Variants in PLPPR5 observed in about 807,000 individuals in gnomAD.
PLPPR5 encodes phospholipid phosphatase-related protein type 5.
PLPPR5 carries 16 observed loss-of-function variants against 33.9 expected under a neutral mutation model. That is an observed-to-expected ratio of 0.47 (90% CI 0.32 to 0.72). The LOEUF is 0.72. Ranked by LOEUF, PLPPR5 falls within the 30% of genes least tolerant of loss-of-function variation. The probability of loss-of-function intolerance (pLI) is 0.03; values close to 1 mark genes in which losing one functional copy is unlikely to be tolerated. For synonymous variants in PLPPR5, 163 were observed against 150.3 expected, an observed-to-expected ratio of 1.08 and a Z score of -0.62; for missense variants, 301 against 406.7, an observed-to-expected ratio of 0.74 and a Z score of 2.23.
At chr1:98,985,732 G>A (rs1359461300) in intron 1 of PLPPR5, among the ~76,000 whole-genome samples, 1 of 151,968 alleles carries the variant, frequency 6.6e-6, no homozygotes, top group Non-Finnish European at 1.5e-5. Flanking sequence ...AACTGTCACA[G>A]TTTTGAGTAT....
At chr1:98,933,945 G>A (rs188677167) in intron 3 of PLPPR5, among the ~76,000 whole-genome samples, 17 of 152,266 alleles carry the variant, frequency 1.1e-4, no homozygotes, top group Admixed American at 6.5e-4. Flanking sequence ...TGTTACTTAC[G>A]CAAAAGGAGA....
At chr1:98,953,375 G>GTGTC in intron 2 of PLPPR5, 55 bp from the exon 3 acceptor site, 2 of 1,533,694 alleles carry the variant, frequency 1.3e-6, no homozygotes, top group Non-Finnish European at 1.7e-6. Flanking sequence ...GTGTGTGTGT[G>GTGTC]TGTGTGTGTG....
At chr1:98,968,366 A>G (rs1651526955) in intron 1 of PLPPR5, among the ~76,000 whole-genome samples, 1 of 152,106 alleles carries the variant, frequency 6.6e-6, no homozygotes, top group East Asian at 1.9e-4. Context: ...TAAGCTTTCC[A>G]GTTTTTCTAA....
chr1:99,005,055 G>C (rs879362073), upstream of PLPPR5: 1 of 153,148 alleles, frequency 6.5e-6, no homozygotes. Flanking sequence ...GGCTAGCCCG[G>C]AGGAGGCGCT....
chr1:98,961,480 C>T lies in PLPPR5; in HGVS notation c.238-4739G>A, dbSNP rs529992651. ...TGGTAAATGTTAACCACTGTCATAA[C>T]TGTTGAAAAAATTATTGGCAACAAG... On this transcript the variant is annotated intron_variant, in intron 1 of 5. Transcript: ENST00000263177. Among the ~76,000 whole-genome samples, 4 of 152,282 alleles carry T rather than the reference C, an allele frequency of 2.6e-5. No homozygotes were observed. The South Asian group carries it at 8.3e-4, about 32-fold the overall frequency.
chr1:98,985,391 G>A (rs901519943), intron 1 of PLPPR5, among the ~76,000 whole-genome samples: 7 of 151,912 alleles, frequency 4.6e-5, no homozygotes, highest in East Asian at 1.9e-4. Context: ...AGATGACTGC[G>A]GTTTCAAAAC....
Position 98,893,124 on chromosome 1 carries a change from T to C in PLPPR5, c.934-20A>G, listed in dbSNP as rs368901478. The C allele has an allele frequency of 1.2e-5, 19 of 1,609,042 alleles. No individual in the cohort carries two copies. Among genetic ancestry groups the C allele is most frequent in the Non-Finnish European group, 1.6e-5 (19 of 1,177,126 alleles). On this transcript the variant is annotated intron_variant, in intron 5 of 5. Transcript: ENST00000263177. ...GTGGTTCTGCAAAAAGAAAAAGGAA[T>C]GACAAAGTGAGAGGCTTGGGAACAT...
At chr1:98,993,703 A>G (rs921261556) in intron 1 of PLPPR5, among the ~76,000 whole-genome samples, 4 of 152,114 alleles carry the variant, frequency 2.6e-5, no homozygotes, top group Non-Finnish European at 5.9e-5. Context: ...GTGTGAGAAC[A>G]TAGTGTTCTG....
rs767678969 is a variant in PLPPR5, at chr1:99,004,577, T to C, written c.95A>G (p.Tyr32Cys). ...GTVMLAYYFEYTDTFTVNVQG... is the reference protein window; with the variant it reads ...GTVMLAYYFECTDTFTVNVQG... ...CACGTTCACGGTGAACGTGTCCGTA[T>C]ACTCGAAGTAGTACGCCAGCATCAC... The change falls in exon 1 of 6, where the codon TAT (tyrosine) becomes TGT (cysteine). Residue 32 changes from tyrosine (Y) to cysteine (C), a missense_variant. By Grantham distance (194) the Tyr-to-Cys change is radical. Coordinates refer to ENST00000263177, the MANE Select transcript of PLPPR5 (RefSeq NM_001037317.2). The C allele has an allele frequency of 6.2e-7, 1 of 1,613,022 alleles. No homozygotes were observed. The highest frequency in any genetic ancestry group is 8.5e-7 in the Non-Finnish European group (1 of 1,179,818).
chr1:98,923,326 G>T (rs1311508543), intron 3 of PLPPR5, among the ~76,000 whole-genome samples: 2 of 152,194 alleles, frequency 1.3e-5, no homozygotes, highest in Middle Eastern at 3.4e-3. Flanking sequence ...AGATTTTATG[G>T]TATAAACGTC....
chr1:98,930,089 A>G (rs1237731877), intron 3 of PLPPR5, among the ~76,000 whole-genome samples: 1 of 152,232 alleles, frequency 6.6e-6, no homozygotes, highest in African/African-American at 2.4e-5. Flanking sequence ...TAAAAGACAA[A>G]TCTGGAAATT....
At chr1:98,979,366 T>C (rs1005697083) in intron 1 of PLPPR5, among the ~76,000 whole-genome samples, 1 of 152,046 alleles carries the variant, frequency 6.6e-6, no homozygotes, top group Non-Finnish European at 1.5e-5. Context: ...TAAGCCTCAG[T>C]TTTATCATCT....
chr1:98,974,415 T>A (rs1195132450), intron 1 of PLPPR5, among the ~76,000 whole-genome samples: 2 of 152,068 alleles, frequency 1.3e-5, no homozygotes, highest in African/African-American at 4.8e-5. Flanking sequence ...ATGGAAGAAT[T>A]CTCCACACAC....
intron 3 of PLPPR5, among the ~76,000 whole-genome samples, chr1:98,947,361 A>G (rs1487189460): frequency 6.6e-6 from 1 of 152,230 alleles, no homozygotes; most frequent in Non-Finnish European, 1.5e-5. Flanking sequence ...CCACATGTCA[A>G]TCACAGAATA....
intron 1 of PLPPR5, among the ~76,000 whole-genome samples, chr1:98,998,435 GC>G (rs1374792016): frequency 4.6e-5 from 7 of 152,102 alleles, no homozygotes; most frequent in Non-Finnish European, 1.5e-5. Flanking sequence ...CCCTTCTGCT[GC>G]CACCTACTCC....
chr1:98,956,433 T>C (rs879009414), intron 2 of PLPPR5, among the ~76,000 whole-genome samples, 176 bp downstream of exon 2: 6 of 152,286 alleles, frequency 3.9e-5, no homozygotes, highest in Admixed American at 3.9e-4. Flanking sequence ...GTCTGCGATT[T>C]TGATACAACC....
intron 1 of PLPPR5, among the ~76,000 whole-genome samples, chr1:98,972,328 G>T (rs1651690229): frequency 6.6e-6 from 1 of 152,052 alleles, no homozygotes; most frequent in African/African-American, 2.4e-5. Context: ...AAAAGCAACA[G>T]AAAACAATTC....
At chr1:98,978,823 T>A (rs1220696691) in intron 1 of PLPPR5, among the ~76,000 whole-genome samples, 1 of 151,988 alleles carries the variant, frequency 6.6e-6, no homozygotes, top group Non-Finnish European at 1.5e-5. Context: ...AATAATTCAT[T>A]CCATATTACA....
chr1:99,004,712 G>T lies in PLPPR5; in HGVS notation c.-41C>A, dbSNP rs765670995. The T allele has an allele frequency of 7.2e-7, 1 of 1,385,088 alleles. No homozygotes were observed. Among genetic ancestry groups the T allele is most frequent in the Non-Finnish European group, 9.5e-7 (1 of 1,048,770 alleles). The allele number at this position is 1,385,088 out of a possible 1,614,324, so 85.8% of individuals were successfully genotyped here. A position where few individuals can be genotyped will look rare whatever the true frequency, so the allele number is the denominator to read the frequency against. The stretch of plus-strand genomic sequence containing the variant: ...CGGGCCGAGCCGAGCCGAGCGGGCG[G>T]TCGACGCGGTGGGCCCCCTCCCCGG... On this transcript the variant is annotated 5_prime_UTR_variant, in exon 1 of 6. Transcript: ENST00000263177.
Sources: gnomAD v4.1 joint callset for allele counts (sites outside exome capture counted in the v4.1 genomes callset) on GRCh38, gnomAD v4.1.1 for gene constraint, MANE v1.5 for transcripts, NCBI Gene and HGNC (gene_info 2026-07-23, HGNC 2026-07-21) for gene names.